ELMO1: variants seen among roughly 807,000 people sequenced by gnomAD.
ELMO1 encodes engulfment and cell motility 1.
Under a neutral mutation model 98.9 loss-of-function variants are expected in ELMO1, and 26 were observed. That is an observed-to-expected ratio of 0.26 (90% CI 0.19 to 0.36). The LOEUF (loss-of-function observed/expected upper bound fraction) is 0.36, where lower values mean the gene tolerates loss of function less well. ELMO1 is among the 10% of genes least tolerant of loss of function. ELMO1 has a pLI of 1.00. For missense variants in ELMO1, 627 were observed against 935.2 expected (o/e 0.67, Z 4.30); for synonymous variants, 346 against 346.0 (o/e 1.00, Z 0.00).
intron 16 of ELMO1, among the ~76,000 whole-genome samples, chr7:36,916,848 G>C (rs1296085065): frequency 6.6e-6 from 1 of 152,252 alleles, no homozygotes; most frequent in Non-Finnish European, 1.5e-5. Flanking sequence ...TCCTAGGCAA[G>C]GCAGAGACAT....
At chr7:37,115,380 T>A (rs1377035356) in intron 14 of ELMO1, among the ~76,000 whole-genome samples, 1 of 152,156 alleles carries the variant, frequency 6.6e-6, no homozygotes, top group African/African-American at 2.4e-5. Context: ...CAACAATCTA[T>A]AAATAGAATT....
chr7:37,187,824 G>T (rs1376421663), intron 13 of ELMO1, among the ~76,000 whole-genome samples: 1 of 152,156 alleles, frequency 6.6e-6, no homozygotes, highest in Non-Finnish European at 1.5e-5. Flanking sequence ...TGAATTCACA[G>T]TGACTGAGAC....
At chr7:37,238,167 T>C (rs892079506) in intron 7 of ELMO1, among the ~76,000 whole-genome samples, 1 of 152,212 alleles carries the variant, frequency 6.6e-6, no homozygotes, top group Admixed American at 6.5e-5. Flanking sequence ...CTAATTAAAA[T>C]TGTGTCCTCC....
intron 4 of ELMO1, among the ~76,000 whole-genome samples, chr7:37,281,146 C>T (rs1797117080): frequency 6.6e-6 from 1 of 151,338 alleles, no homozygotes. Context: ...AAACAAACAT[C>T]GTATGTCCTC....
At chr7:36,989,492 G>A (rs1433647034) in intron 16 of ELMO1, among the ~76,000 whole-genome samples, 2 of 152,182 alleles carry the variant, frequency 1.3e-5, no homozygotes, top group Non-Finnish European at 2.9e-5. Context: ...AGGAACCACT[G>A]CTAAGAGATG....
At chr7:37,432,747 G>C (rs1804983802) in intron 1 of ELMO1, among the ~76,000 whole-genome samples, 1 of 152,214 alleles carries the variant, frequency 6.6e-6, no homozygotes, top group Non-Finnish European at 1.5e-5. Flanking sequence ...CACTGGGGAG[G>C]GAGGGAGGAA....
At chr7:37,236,776 C>A (rs1043839078) in intron 7 of ELMO1, among the ~76,000 whole-genome samples, 1 of 152,098 alleles carries the variant, frequency 6.6e-6, no homozygotes, top group Non-Finnish European at 1.5e-5. Flanking sequence ...TCAAGGGATT[C>A]AATCACCTCT....
Position 37,216,666 on chromosome 7 carries a change from T to C in ELMO1, c.810A>G (p.Gln270=), listed in dbSNP as rs756697653. 1 of 1,614,084 alleles carries C rather than the reference T, an allele frequency of 6.2e-7. No homozygotes were observed. ...TCACTGTTAAAATGATGGAACGCAG[T>C]TGCTTCTGAGCCAAAATATTCGCCA... ...QEMANILAQK[Q]LRSIILTHVI... Residue 270 remains glutamine (Q), a synonymous_variant, in exon 11 of 22, where the codon CAA becomes CAG. Coordinates refer to ENST00000310758, the MANE Select transcript of ELMO1 (RefSeq NM_014800.11).
chr7:37,017,747 G>A (rs1235150999), intron 15 of ELMO1, among the ~76,000 whole-genome samples: 1 of 152,084 alleles, frequency 6.6e-6, no homozygotes, highest in Non-Finnish European at 1.5e-5. Flanking sequence ...TCTTTTGAAT[G>A]TAATTCTTTG....
intron 2 of ELMO1, among the ~76,000 whole-genome samples, chr7:37,339,852 T>C (rs1326478734): frequency 6.9e-6 from 1 of 145,456 alleles, no homozygotes; most frequent in Admixed American, 6.8e-5. Flanking sequence ...TGCAACACCA[T>C]GTACCTCTTG....
At chr7:37,357,813 C>T (rs565580174) in intron 1 of ELMO1, among the ~76,000 whole-genome samples, 2 of 152,310 alleles carry the variant, frequency 1.3e-5, no homozygotes, top group South Asian at 2.1e-4. Context: ...CATGGCCATA[C>T]GGCCATACTG....
chr7:36,921,534 A>G (rs1271401166), intron 16 of ELMO1, among the ~76,000 whole-genome samples: 1 of 152,210 alleles, frequency 6.6e-6, no homozygotes, highest in Non-Finnish European at 1.5e-5. Flanking sequence ...TATTGCTATT[A>G]TTATGACTAC....
At chr7:37,036,428 T>C (rs775158957) in intron 15 of ELMO1, among the ~76,000 whole-genome samples, 2 of 152,328 alleles carry the variant, frequency 1.3e-5, no homozygotes, top group Admixed American at 1.3e-4. Flanking sequence ...TGGAGTGCAA[T>C]AGTGCAATCT....
At chr7:36,899,684 C>CTTTTTTT (rs10522661) in intron 16 of ELMO1, among the ~76,000 whole-genome samples, 757 of 63,658 alleles carry the variant, frequency 0.012, 106 homozygotes, top group East Asian at 0.099. Flanking sequence ...CTTTACTCAT[C>CTTTTTTT]TTTTTTTTTT....
In ELMO1 at chr7:37,276,467, C is replaced by T. The variant is rs368034888; in HGVS notation, c.193-4585G>A. On this transcript the variant is annotated intron_variant, in intron 4 of 21. Transcript: ENST00000310758. ...ACCAAAAATACAAAAAAAAATTAGC[C>T]GGGCGTGGTGGCAGGCGCCTGTAGT... Among the ~76,000 whole-genome samples the T allele has an allele frequency of 7.2e-5, 11 of 152,002 alleles. No homozygotes were observed. The South Asian group carries it at 1.0e-3, about 14-fold the overall frequency.
At chr7:36,886,757 A>G (rs1805042450) in intron 18 of ELMO1, among the ~76,000 whole-genome samples, 1 of 152,234 alleles carries the variant, frequency 6.6e-6, no homozygotes, top group Admixed American at 6.5e-5. Flanking sequence ...AAACAGCTAG[A>G]CATGTTTCCC....
chr7:37,315,112 T>C (rs1378049990), intron 3 of ELMO1, among the ~76,000 whole-genome samples, 190 bp from the exon 4 acceptor site: 1 of 152,238 alleles, frequency 6.6e-6, no homozygotes, highest in Admixed American at 6.5e-5. Context: ...AATCATTTCA[T>C]GTGTAGACTG....
At chr7:36,885,819 A>C (rs1804940177) in intron 18 of ELMO1, among the ~76,000 whole-genome samples, 1 of 152,098 alleles carries the variant, frequency 6.6e-6, no homozygotes, top group Non-Finnish European at 1.5e-5. Context: ...AAGTCCACTC[A>C]CTCTGGCTCA....
chr7:37,101,835 C>T (rs1301601321), intron 14 of ELMO1, among the ~76,000 whole-genome samples: 1 of 152,032 alleles, frequency 6.6e-6, no homozygotes, highest in Admixed American at 6.5e-5. Flanking sequence ...CAGGTTAAAA[C>T]AAGGTAGGTT....
Sources: allele counts gnomAD v4.1 joint callset (sites outside exome capture counted in the v4.1 genomes callset), GRCh38; gene constraint gnomAD v4.1.1; transcripts MANE v1.5; gene names NCBI Gene and HGNC (gene_info 2026-07-23, HGNC 2026-07-21).